PIK3CG: variants seen among roughly 807,000 people sequenced by gnomAD.
PIK3CG encodes phosphatidylinositol 4,5-bisphosphate 3-kinase catalytic subunit gamma isoform.
Under a neutral mutation model 102.3 loss-of-function variants are expected in PIK3CG, and 55 were observed. The ratio of observed to expected loss-of-function variants is 0.54; its 90% CI spans 0.43 to 0.67. PIK3CG has a LOEUF of 0.67. PIK3CG is among the 30% of genes least tolerant of loss of function. The pLI is 0.00. For synonymous variants in PIK3CG, 552 were observed against 540.0 expected, an observed-to-expected ratio of 1.02 and a Z score of -0.31; for missense variants, 1,258 against 1,391.8, an observed-to-expected ratio of 0.90 and a Z score of 1.53.
In PIK3CG at chr7:106,872,897, T is replaced by G. The variant is rs759802616; in HGVS notation, c.2246T>G (p.Ile749Ser). Reference protein sequence around the residue: ...IEMLQKVTLDIKSLSAEKYDV... With the variant: ...IEMLQKVTLDSKSLSAEKYDV... ...ATGTTACAAAAAGTCACCCTTGATA[T>G]TAAATCGCTCTCTGCTGAAAAGTAT... The change falls in exon 4 of 11, where the codon ATT (isoleucine) becomes AGT (serine). Residue 749 changes from isoleucine (I) to serine (S), a missense_variant. Ile to Ser is a moderately radical substitution (Grantham distance 142). Around this residue, in one of 2 missense-constraint regions of PIK3CG, gnomAD observed 426 missense variants for 604.2 expected, o/e 0.71. Transcript: ENST00000496166. This position sits in a 1 kb window ranked among gnomAD's most constrained non-coding sequence, Gnocchi z 5.3. The G allele has an allele frequency of 6.2e-7, 1 of 1,614,054 alleles. No individual in the cohort carries two copies. The highest frequency in any genetic ancestry group is 2.2e-5 in the East Asian group (1 of 44,898).
intron 1 of PIK3CG, 115 bp downstream of exon 1, chr7:106,865,541 G>A (rs1790249043): frequency 6.6e-6 from 1 of 152,128 alleles, no homozygotes. Flanking sequence ...TACTACCACC[G>A]AATGTCTGTG....
In PIK3CG at chr7:106,867,488, C is replaced by T. The variant is rs1463795825; in HGVS notation, c.-12-62C>T. On this transcript the variant is annotated intron_variant, in intron 1 of 10. Transcript: ENST00000496166. The surrounding 1 kb of genome is among the most constrained non-coding windows in gnomAD (Gnocchi z 5.1). ...CTATACCTCCTCTTCCCTCATCTCA[C>T]CAGAAAATATAAGGGGAAAGTGCCT... The T allele has an allele frequency of 6.2e-6, 9 of 1,442,148 alleles. No individual in the cohort carries two copies. The highest frequency in any genetic ancestry group is 1.4e-5 in the African/African-American group (1 of 70,138). The allele number at this position is 1,442,148 out of a possible 1,614,324, so 89.3% of individuals were successfully genotyped here.
rs2116481547 is a variant in PIK3CG, at chr7:106,872,534, T to A, written c.1996-3T>A. 1 of 1,612,626 alleles carries A rather than the reference T, an allele frequency of 6.2e-7. No homozygotes were observed. The highest frequency in any genetic ancestry group is 8.5e-7 in the Non-Finnish European group (1 of 1,178,528). On this transcript the variant is annotated splice_region_variant and splice_polypyrimidine_tract_variant and intron_variant, in intron 2 of 10. Coordinates refer to ENST00000496166, the MANE Select transcript of PIK3CG (RefSeq NM_001282426.2). This position sits in a 1 kb window ranked among gnomAD's most constrained non-coding sequence, Gnocchi z 5.3. ...TACAAATGCCAATGTGTTCTTCCTT[T>A]AGGCTGTGAAATTTGAACCATACCA...
In PIK3CG at chr7:106,891,300, A is replaced by AT. The variant is rs1249765323; in HGVS notation, c.3030+5009dup. Among the ~76,000 whole-genome samples the AT allele has an allele frequency of 1.3e-5, 2 of 152,220 alleles. No homozygotes were observed. Among genetic ancestry groups the AT allele is most frequent in the Non-Finnish European group, 2.9e-5 (2 of 68,034 alleles). ...GCCCAGATTGACAGACCATCATCAC[A>AT]TGGAAGGTAATAAGCCTTCAGGAGG... On this transcript the variant is annotated intron_variant, in intron 10 of 10. Coordinates refer to ENST00000496166, the MANE Select transcript of PIK3CG (RefSeq NM_001282426.2). This position sits in a 1 kb window ranked among gnomAD's most constrained non-coding sequence, Gnocchi z 4.4.
In PIK3CG at chr7:106,869,630, C is replaced by A; in HGVS notation, c.1995+74C>A. 1 of 1,248,020 alleles carries A rather than the reference C, an allele frequency of 8.0e-7. No individual in the cohort carries two copies. The highest frequency in any genetic ancestry group is 1.5e-5 in the South Asian group (1 of 65,092). 77.3% of individuals were successfully genotyped at this position (1,248,020 alleles called of 1,614,324 possible). A position where few individuals can be genotyped will look rare whatever the true frequency, so the allele number is the denominator to read the frequency against. On this transcript the variant is annotated intron_variant, in intron 2 of 10. Transcript: ENST00000496166. The surrounding 1 kb of genome is among the most constrained non-coding windows in gnomAD (Gnocchi z 5.3). ...TTTGCATATGCACAGGCACTCCATT[C>A]AGTTGTCATCAAATGCCCTTTGTTC...
chr7:106,877,804 C>T lies in PIK3CG; in HGVS notation c.2392-1715C>T, dbSNP rs1409202969. Among the ~76,000 whole-genome samples, 2 of 152,180 alleles carry T rather than the reference C, an allele frequency of 1.3e-5. No homozygotes were observed. Among genetic ancestry groups the T allele is most frequent in the Admixed American group, 6.5e-5 (1 of 15,284 alleles). On this transcript the variant is annotated intron_variant, in intron 5 of 10. Transcript: ENST00000496166. The surrounding 1 kb of genome is among the most constrained non-coding windows in gnomAD (Gnocchi z 4.5). ...TTTAAATAACAAAGCACTTCATATA[C>T]GTGTGCTTATACAGGCAACAGTATA...
In PIK3CG at chr7:106,899,695, C is replaced by T. The variant is rs546892351; in HGVS notation, c.3031-5414C>T. ...ATTTGCGTATGTTGAACCAACCTTA[C>T]ATCCTGGGGATGAAACCTACTTGAT... On this transcript the variant is annotated intron_variant, in intron 10 of 10. Coordinates refer to ENST00000496166, the MANE Select transcript of PIK3CG (RefSeq NM_001282426.2). This position sits in a 1 kb window ranked among gnomAD's most constrained non-coding sequence, Gnocchi z 4.6. 5.8e-4 allele frequency among the ~76,000 whole-genome samples: 88 copies of T among 152,320 alleles called. 1 individual carries two copies. The South Asian group carries it at 0.018, about 32-fold the overall frequency.
chr7:106,891,088 AG>A lies in PIK3CG; in HGVS notation c.3030+4799del, dbSNP rs1791251209. On this transcript the variant is annotated intron_variant, in intron 10 of 10. Coordinates refer to ENST00000496166, the MANE Select transcript of PIK3CG (RefSeq NM_001282426.2). The surrounding 1 kb of genome is among the most constrained non-coding windows in gnomAD (Gnocchi z 4.4). ...ATCCCAACTGTGAGCTCTGTGCAGC[AG>A]GGCCACATGTGTCCTGTGTCCCTCA... is the stretch of plus-strand genomic sequence containing the variant. Among the ~76,000 whole-genome samples, 1 of 152,240 alleles carries A rather than the reference AG, an allele frequency of 6.6e-6. No homozygotes were observed. The highest frequency in any genetic ancestry group is 1.5e-5 in the Non-Finnish European group (1 of 68,036).
rs957309358 is a variant in PIK3CG at position 106,899,711 on chromosome 7, C to T, written c.3031-5398C>T. ...CCAACCTTACATCCTGGGGATGAAA[C>T]CTACTTGATCATGGTGGATTAGCTT... On this transcript the variant is annotated intron_variant, in intron 10 of 10. Coordinates refer to ENST00000496166, the MANE Select transcript of PIK3CG (RefSeq NM_001282426.2). This position sits in a 1 kb window ranked among gnomAD's most constrained non-coding sequence, Gnocchi z 4.6. Among the ~76,000 whole-genome samples the T allele has an allele frequency of 1.3e-5, 2 of 152,166 alleles. No individual in the cohort carries two copies. Among genetic ancestry groups the T allele is most frequent in the Admixed American group, 6.5e-5 (1 of 15,278 alleles).
In PIK3CG at chr7:106,895,689, C is replaced by G. The variant is rs927819141; in HGVS notation, c.3030+9397C>G. Among the ~76,000 whole-genome samples the G allele has an allele frequency of 6.6e-6, 1 of 152,292 alleles. No homozygotes were observed. Among genetic ancestry groups the G allele is most frequent in the Non-Finnish European group, 1.5e-5 (1 of 68,016 alleles). The stretch of plus-strand genomic sequence containing the variant: ...GGACAGTGAGCCCCTTAGCGTTGAA[C>G]AGTATGTGTATTCAATAATGCAGCT... On this transcript the variant is annotated intron_variant, in intron 10 of 10. Coordinates refer to ENST00000496166, the MANE Select transcript of PIK3CG (RefSeq NM_001282426.2). The surrounding 1 kb of genome is among the most constrained non-coding windows in gnomAD (Gnocchi z 5.4).
intron 10 of PIK3CG, among the ~76,000 whole-genome samples, chr7:106,896,783 C>G: frequency 6.6e-6 from 1 of 152,082 alleles, no homozygotes; most frequent in South Asian, 2.1e-4. Flanking sequence ...CCATGCTGGG[C>G]GCTTTATGTA....
chr7:106,875,542 T>A (rs890169541), intron 5 of PIK3CG, among the ~76,000 whole-genome samples: 43 of 152,320 alleles, frequency 2.8e-4, no homozygotes, highest in African/African-American at 9.9e-4. Flanking sequence ...AGATCTACTT[T>A]CTATCATAAA....
intron 9 of PIK3CG, among the ~76,000 whole-genome samples, chr7:106,885,522 A>G (rs1562962076): frequency 6.6e-6 from 1 of 152,162 alleles, no homozygotes; most frequent in South Asian, 2.1e-4. Flanking sequence ...CTTACTTCCT[A>G]TGAGAATTAA....
rs2116489798 is a variant in PIK3CG at position 106,872,911 on chromosome 7, G to A, written c.2260G>A (p.Ala754Thr). The A allele has an allele frequency of 6.2e-7, 1 of 1,613,878 alleles. No homozygotes were observed. Among genetic ancestry groups the A allele is most frequent in the Non-Finnish European group, 8.5e-7 (1 of 1,179,770 alleles). ...KVTLDIKSLS[A>T]EKYDVSSQVI... is the part of the protein sequence containing the mutation. ...CACCCTTGATATTAAATCGCTCTCT[G>A]CTGAAAAGTATGACGTCAGTTCCCA... The change falls in exon 4 of 11, where the codon GCT becomes ACT. Residue 754 changes from alanine to threonine, a missense_variant. Physicochemically the swap from Ala to Thr is moderately conservative, Grantham distance 58. Transcript: ENST00000496166. This position sits in a 1 kb window ranked among gnomAD's most constrained non-coding sequence, Gnocchi z 5.3.
rs1790669239 is a variant in PIK3CG, at chr7:106,874,832, G to T, written c.2391+29G>T. On this transcript the variant is annotated intron_variant, in intron 5 of 10. Coordinates refer to ENST00000496166, the MANE Select transcript of PIK3CG (RefSeq NM_001282426.2). This position sits in a 1 kb window ranked among gnomAD's most constrained non-coding sequence, Gnocchi z 4.3. ...GGTATCACTTGGATGTCTCCATGTG[G>T]TCTTTATGTCTTGAAGATGTCTAAC... 3 of 1,397,644 alleles carry T rather than the reference G, an allele frequency of 2.1e-6. No homozygotes were observed. The highest frequency in any genetic ancestry group is 1.4e-5 in the African/African-American group (1 of 70,216). 86.6% of individuals were successfully genotyped at this position (1,397,644 alleles called of 1,614,324 possible).
Position 106,869,140 on chromosome 7 carries a change from A to G in PIK3CG, c.1579A>G (p.Ile527Val). ...SILLDNYCHP[I>V]ALPKHQPTPD... ...TCTTCTGGACAATTACTGCCACCCG[A>G]TAGCCCTGCCTAAGCATCAGCCCAC... The change falls in exon 2 of 11, where the codon ATA becomes GTA. Residue 527 changes from isoleucine (I) to valine (V), a missense_variant. Ile to Val is a conservative substitution (Grantham distance 29). Transcript: ENST00000496166. This position sits in a 1 kb window ranked among gnomAD's most constrained non-coding sequence, Gnocchi z 5.3. The G allele has an allele frequency of 1.2e-6, 2 of 1,614,200 alleles. No individual in the cohort carries two copies. Among genetic ancestry groups the G allele is most frequent in the Non-Finnish European group, 1.7e-6 (2 of 1,180,048 alleles).
In PIK3CG at chr7:106,893,946, T is replaced by A. The variant is rs1791333763; in HGVS notation, c.3030+7654T>A. On this transcript the variant is annotated intron_variant, in intron 10 of 10. Transcript: ENST00000496166. This position sits in a 1 kb window ranked among gnomAD's most constrained non-coding sequence, Gnocchi z 4.4. Reference sequence around the variant, plus strand: ...AATACTGTAGGCAGTTGTGACACAATGTTATGCACTTGTGTATCTAAACAC... The same window carrying A: ...AATACTGTAGGCAGTTGTGACACAAAGTTATGCACTTGTGTATCTAAACAC... Among the ~76,000 whole-genome samples, 1 of 152,192 alleles carries A rather than the reference T, an allele frequency of 6.6e-6. No homozygotes were observed. The highest frequency in any genetic ancestry group is 1.5e-5 in the Non-Finnish European group (1 of 68,022).
rs562448001 is a variant in PIK3CG at position 106,892,824 on chromosome 7, G to C, written c.3030+6532G>C. ...GGATGAATTCAGTTTCATTTTTCCA[G>C]GCAGATACAGGGAAGGGAGGGAACA... On this transcript the variant is annotated intron_variant, in intron 10 of 10. Transcript: ENST00000496166. The surrounding 1 kb of genome is among the most constrained non-coding windows in gnomAD (Gnocchi z 5.2). Among the ~76,000 whole-genome samples, 22 of 152,244 alleles carry C rather than the reference G, an allele frequency of 1.4e-4. No homozygotes were observed. In the South Asian group the frequency reaches 4.6e-3, roughly 32 times the overall value.
intron 2 of PIK3CG, among the ~76,000 whole-genome samples, chr7:106,871,564 A>G (rs946168284): frequency 1.3e-5 from 2 of 152,258 alleles, no homozygotes; most frequent in Non-Finnish European, 2.9e-5. Flanking sequence ...CACCATTTCT[A>G]TTCATAAAGT....
Sources: allele counts gnomAD v4.1 joint callset (sites outside exome capture counted in the v4.1 genomes callset), GRCh38; gene constraint gnomAD v4.1.1; regional missense constraint gnomAD v4.1.1; non-coding constraint Gnocchi (gnomAD v3.1); transcripts MANE v1.5; gene names NCBI Gene and HGNC (gene_info 2026-07-23, HGNC 2026-07-21).